Variants in VIPR1 observed in about 807,000 individuals in gnomAD.
VIPR1 encodes the protein vasoactive intestinal polypeptide receptor 1.
A neutral mutation model predicts 58.8 loss-of-function variants in VIPR1; 59 were observed. The observed-to-expected ratio is 1.00, with a 90% confidence interval of 0.81 to 1.25. The LOEUF (loss-of-function observed/expected upper bound fraction) is 1.25. VIPR1 is among the 50% of genes most tolerant of loss of function. VIPR1 has a pLI of 0.00. For synonymous variants in VIPR1, 251 were observed against 242.1 expected, an observed-to-expected ratio of 1.04 and a Z score of -0.34; for missense variants, 626 against 602.7, an observed-to-expected ratio of 1.04 and a Z score of -0.40.
In VIPR1 at chr3:42,520,065, C is replaced by T. The variant is rs549403391; in HGVS notation, c.292+735C>T. ...TAAGGCAGAGGTTCACAAACAGCCC[C>T]TCTCTGAGGAGGTGACACTTCATCT... On this transcript the variant is annotated intron_variant, in intron 3 of 12. Transcript: ENST00000325123. Among the ~76,000 whole-genome samples the T allele has an allele frequency of 2.6e-5, 4 of 152,338 alleles. No homozygotes were observed. In the South Asian group the frequency reaches 8.3e-4, roughly 32 times the overall value.
chr3:42,501,070 G>C (rs997863742), upstream of VIPR1, among the ~76,000 whole-genome samples: 3 of 152,086 alleles, frequency 2.0e-5, no homozygotes, highest in Non-Finnish European at 4.4e-5. This position sits in a 1 kb window ranked among gnomAD's most constrained non-coding sequence, Gnocchi z 4.8. Flanking sequence ...TGGTGGCGAG[G>C]TTCCCTTTAA....
intron 2 of VIPR1, 46 bp from the exon 3 acceptor site, chr3:42,519,177 C>T (rs1700784493): frequency 1.3e-6 from 2 of 1,501,390 alleles, no homozygotes; most frequent in Admixed American, 2.0e-5. Flanking sequence ...GGGCTGGAGG[C>T]ACCTGCACTG....
At chr3:42,531,213 A>G in intron 7 of VIPR1, 1 of 610,856 alleles carries the variant, frequency 1.6e-6, no homozygotes, top group Middle Eastern at 2.7e-4. Context: ...GCCACTGCTA[A>G]TCTATAAAGG....
chr3:42,497,239 A>G (rs900433085), intron 1 of VIPR1, among the ~76,000 whole-genome samples: 1 of 152,100 alleles, frequency 6.6e-6, no homozygotes, highest in Non-Finnish European at 1.5e-5. Flanking sequence ...CTGAGAGAGG[A>G]TGCAGTGCTG....
intron 10 of VIPR1, 98 bp from the exon 11 acceptor site, chr3:42,534,877 C>G: frequency 6.8e-7 from 1 of 1,480,056 alleles, no homozygotes; most frequent in Non-Finnish European, 9.2e-7. Context: ...TGGTCATTGT[C>G]CCCATCTTCT....
upstream of VIPR1, among the ~76,000 whole-genome samples, chr3:42,498,600 C>T (rs991315078): frequency 6.6e-6 from 1 of 152,190 alleles, no homozygotes; most frequent in Admixed American, 6.5e-5. Flanking sequence ...CATTTCAGAA[C>T]TTGTCCTTGA....
chr3:42,502,005 G>A (rs913655557), upstream of VIPR1: 1 of 152,338 alleles, frequency 6.6e-6, no homozygotes, highest in Non-Finnish European at 1.5e-5. Flanking sequence ...CCGGGAGCAG[G>A]GAACACCAAG....
chr3:42,513,127 AGATCT>A (rs141495098), intron 1 of VIPR1, among the ~76,000 whole-genome samples: 3,037 of 152,236 alleles, frequency 0.02, 91 homozygotes, highest in African/African-American at 0.068. Flanking sequence ...CACCCTCAGT[AGATCT>A]GGTATAGCTT....
intron 6 of VIPR1, chr3:42,529,681 G>C (rs1263854740): frequency 6.6e-6 from 1 of 152,162 alleles, no homozygotes; most frequent in African/African-American, 2.4e-5. Context: ...GGTACAGGGG[G>C]AAGTGGAAGC....
chr3:42,531,028 C>T (rs954607494), intron 7 of VIPR1, 96 bp downstream of exon 7: 41 of 1,479,886 alleles, frequency 2.8e-5, no homozygotes, highest in Non-Finnish European at 3.2e-5. Context: ...TGCAGTCCTA[C>T]GTCTTGCTTA....
chr3:42,512,655 G>A lies in VIPR1; in HGVS notation c.79-1094G>A, dbSNP rs554025650. Reference sequence around the variant, plus strand: ...AAGGACCCTGTCCCAGGGTGGGAGGGACAAGCTGGAGGAGACACTGAGAAT... The same window carrying A: ...AAGGACCCTGTCCCAGGGTGGGAGGAACAAGCTGGAGGAGACACTGAGAAT... On this transcript the variant is annotated intron_variant, in intron 1 of 12. Coordinates refer to ENST00000325123, the MANE Select transcript of VIPR1 (RefSeq NM_004624.4). 7 of 858,594 alleles carry A rather than the reference G, an allele frequency of 8.2e-6. No homozygotes were observed. In the African/African-American group the frequency reaches 1.1e-4, roughly 13 times the overall value. 53.2% of individuals were successfully genotyped at this position (858,594 alleles called of 1,614,324 possible). A position where few individuals can be genotyped will look rare whatever the true frequency, so the allele number is the denominator to read the frequency against.
intron 3 of VIPR1, chr3:42,521,453 A>C (rs1185070661): frequency 6.6e-6 from 1 of 152,216 alleles, no homozygotes; most frequent in Non-Finnish European, 1.5e-5. Flanking sequence ...GAGCAAGTAG[A>C]TGAAGAAGTT....
intron 3 of VIPR1, among the ~76,000 whole-genome samples, chr3:42,522,937 T>G (rs1445034058): frequency 6.6e-6 from 1 of 152,162 alleles, no homozygotes; most frequent in Admixed American, 6.5e-5. Context: ...CTTGCCACCC[T>G]TCTGGTCGTC....
intron 8 of VIPR1, 73 bp downstream of exon 8, chr3:42,531,604 A>G (rs1701558413): frequency 1.3e-6 from 2 of 1,579,826 alleles, no homozygotes; most frequent in African/African-American, 2.7e-5. Context: ...TGATAATGCC[A>G]TCTGGCCTTG....
chr3:42,525,928 C>T lies in VIPR1; in HGVS notation c.334C>T (p.His112Tyr). ...SRSCTDEGWT[H>Y]LEPGPYPIAC... is the part of the protein sequence containing the mutation. ...CAGCTGCACCGACGAAGGCTGGACGCACCTGGAGCCTGGCCCGTACCCCAT... is the reference window on the plus strand; with the variant it reads ...CAGCTGCACCGACGAAGGCTGGACGTACCTGGAGCCTGGCCCGTACCCCAT... The change falls in exon 4 of 13, where the codon CAC (histidine) becomes TAC (tyrosine). Residue 112 changes from histidine to tyrosine, a missense_variant. Physicochemically the swap from His to Tyr is moderately conservative, Grantham distance 83 (BLOSUM62 2). Transcript: ENST00000325123. 6.2e-7 allele frequency: 1 copy of T among 1,613,648 alleles called. No individual in the cohort carries two copies. The highest frequency in any genetic ancestry group is 8.5e-7 in the Non-Finnish European group (1 of 1,179,842).
chr3:42,493,535 A>G (rs1301653228), intron 1 of VIPR1, among the ~76,000 whole-genome samples: 1 of 152,166 alleles, frequency 6.6e-6, no homozygotes, highest in Non-Finnish European at 1.5e-5. Context: ...TGGGGGACAG[A>G]GGAGGGATTA....
chr3:42,525,940 G>A lies in VIPR1; in HGVS notation c.346G>A (p.Gly116Ser), dbSNP rs1322009370. Residue 116 changes from glycine (G) to serine (S), a missense_variant, in exon 4 of 13, where the codon GGC becomes AGC. By Grantham distance (56) the Gly-to-Ser change is moderately conservative. Coordinates refer to ENST00000325123, the MANE Select transcript of VIPR1 (RefSeq NM_004624.4). ...TDEGWTHLEP[G>S]PYPIACGLDD... ...CGAAGGCTGGACGCACCTGGAGCCT[G>A]GCCCGTACCCCATTGCCTGTGGTTT... The A allele has an allele frequency of 6.2e-7, 1 of 1,613,726 alleles. No individual in the cohort carries two copies. The highest frequency in any genetic ancestry group is 1.7e-5 in the Admixed American group (1 of 59,976).
chr3:42,522,099 ATATTTTTTTTTTTTTTT>A (rs1481614437), intron 3 of VIPR1, among the ~76,000 whole-genome samples: 9,312 of 55,618 alleles, frequency 0.17, 605 homozygotes, highest in South Asian at 0.26. Flanking sequence ...ATATATATAT[ATATTTTTTTTTTTTTTT>A]TTTTTTTTTT....
chr3:42,502,827 C>CG lies in VIPR1; in HGVS notation c.78+16dup, dbSNP rs903191700. The CG allele has an allele frequency of 8.0e-7, 1 of 1,251,166 alleles. No homozygotes were observed. Among genetic ancestry groups the CG allele is most frequent in the African/African-American group, 1.6e-5 (1 of 64,362 alleles). 77.5% of individuals were successfully genotyped at this position (1,251,166 alleles called of 1,614,324 possible). A position where few individuals can be genotyped will look rare whatever the true frequency, so the allele number is the denominator to read the frequency against. Reference sequence around the variant, plus strand: ...CTTGGGCCGGCGGTGAGTGTTCGCCCGGCCGCCCAGAGTCCCGGCAGCCTG... The same window carrying CG: ...CTTGGGCCGGCGGTGAGTGTTCGCCCGGGCCGCCCAGAGTCCCGGCAGCCTG... On this transcript the variant is annotated intron_variant, in intron 1 of 12. Coordinates refer to ENST00000325123, the MANE Select transcript of VIPR1 (RefSeq NM_004624.4).
Sources: allele counts gnomAD v4.1 joint callset (sites outside exome capture counted in the v4.1 genomes callset), GRCh38; gene constraint gnomAD v4.1.1; non-coding constraint Gnocchi (gnomAD v3.1); transcripts MANE v1.5; gene names NCBI Gene and HGNC (gene_info 2026-07-23, HGNC 2026-07-21).